The following ADAM22 variants were observed in gnomAD, a reference collection of about 807,000 sequenced individuals.
The protein encoded by ADAM22 is ADAM metallopeptidase domain 22, also known as disintegrin and metalloproteinase domain-containing protein 22.
ADAM22 carries 65 observed loss-of-function variants against 144.6 expected under a neutral mutation model. The observed-to-expected ratio is 0.45, with a 90% CI of 0.37 to 0.55. The LOEUF (loss-of-function observed/expected upper bound fraction) is 0.55. ADAM22 is among the 20% of genes least tolerant of loss of function. ADAM22 has a pLI of 0.00. For synonymous variants in ADAM22, 391 were observed against 412.6 expected, an observed-to-expected ratio of 0.95 and a Z score of 0.63; for missense variants, 974 against 1,184.9, an observed-to-expected ratio of 0.82 and a Z score of 2.61.
chr7:88,131,269 A>G lies in ADAM22; in HGVS notation c.826A>G (p.Ile276Val), dbSNP rs1280372334. 8 of 1,611,972 alleles carry G rather than the reference A, an allele frequency of 5.0e-6. No individual in the cohort carries two copies. Among genetic ancestry groups the G allele is most frequent in the Admixed American group, 1.7e-5 (1 of 59,872 alleles). ...AKSVVNMADL[I>V]YKDQLKTRIV... is the part of the protein sequence containing the mutation. ...TGTGTTCATTTTATTAATATACTAG[A>G]TATATAAAGACCAACTTAAGACCAG... Residue 276 changes from isoleucine to valine, a missense_variant and splice_region_variant, in exon 11 of 32, where the codon ATA becomes GTA. Coordinates refer to ENST00000413139, the MANE Select transcript of ADAM22 (RefSeq NM_001324418.2).
chr7:87,956,056 A>G (rs1264558875), intron 2 of ADAM22, among the ~76,000 whole-genome samples: 1 of 150,520 alleles, frequency 6.6e-6, no homozygotes, highest in Non-Finnish European at 1.5e-5. Flanking sequence ...CAGGAAAGGG[A>G]ACTCCCTGAC....
chr7:88,142,779 A>G (rs1470223615), intron 14 of ADAM22, among the ~76,000 whole-genome samples: 1 of 151,896 alleles, frequency 6.6e-6, no homozygotes, highest in African/African-American at 2.4e-5. Context: ...TGGAGCTTGC[A>G]GTGAGCCAAG....
At chr7:88,130,367 C>G (rs761788675) in intron 9 of ADAM22, 21 bp from the exon 10 acceptor site, 1 of 1,603,728 alleles carries the variant, frequency 6.2e-7, no homozygotes, top group South Asian at 1.1e-5. Flanking sequence ...AAGACCTTCA[C>G]TTGTTTTCTT....
intron 2 of ADAM22, among the ~76,000 whole-genome samples, chr7:87,935,496 G>A (rs1841031319): frequency 6.6e-6 from 1 of 152,180 alleles, no homozygotes; most frequent in Admixed American, 6.5e-5. Flanking sequence ...GGCATGCACA[G>A]CGAGAAGGGA....
intron 4 of ADAM22, among the ~76,000 whole-genome samples, chr7:88,084,844 A>G (rs1220577005): frequency 1.3e-5 from 2 of 152,210 alleles, no homozygotes; most frequent in South Asian, 4.1e-4. Context: ...ATGTTCTCTC[A>G]ATTCTGAAAG....
chr7:87,995,504 C>T (rs1467490985), intron 3 of ADAM22, among the ~76,000 whole-genome samples: 2 of 152,180 alleles, frequency 1.3e-5, no homozygotes, highest in Non-Finnish European at 2.9e-5. Flanking sequence ...ACCTGGGTCC[C>T]TTCCTACTCC....
rs1585849541 is a variant in ADAM22, at chr7:88,113,708, ATATATATATAT to A, written c.474-875_474-865del. Among the ~76,000 whole-genome samples the A allele has an allele frequency of 1.9e-3, 179 of 93,732 alleles. 6 individuals are homozygous for A. The highest frequency in any genetic ancestry group is 0.014 in the South Asian group (36 of 2,616). 61.5% of individuals were successfully genotyped at this position (93,732 alleles called of 152,430 possible). The stretch of plus-strand genomic sequence containing the variant: ...ATATTATAAATAAATAAATAAATAT[ATATATATATAT>A]ATATATATATATATATATATAGTAA... On this transcript the variant is annotated intron_variant, in intron 5 of 31. Coordinates refer to ENST00000413139, the MANE Select transcript of ADAM22 (RefSeq NM_001324418.2).
intron 9 of ADAM22, among the ~76,000 whole-genome samples, chr7:88,129,690 C>T (rs533507277): frequency 6.6e-6 from 1 of 152,122 alleles, no homozygotes; most frequent in African/African-American, 2.4e-5. Flanking sequence ...GTGAAATTAA[C>T]CAGATATAAG....
At chr7:87,965,082 G>A (rs1001449663) in intron 2 of ADAM22, among the ~76,000 whole-genome samples, 4 of 152,004 alleles carry the variant, frequency 2.6e-5, no homozygotes, top group Non-Finnish European at 4.4e-5. Flanking sequence ...CTTCCTACCA[G>A]TCTTCATTCT....
intron 4 of ADAM22, among the ~76,000 whole-genome samples, chr7:88,090,408 A>C (rs1819554811): frequency 6.6e-6 from 1 of 152,334 alleles, no homozygotes; most frequent in Non-Finnish European, 1.5e-5. Flanking sequence ...AGTTAACCAC[A>C]AATACACAGA....
chr7:88,065,900 A>C (rs908121222), intron 3 of ADAM22, among the ~76,000 whole-genome samples: 1 of 152,034 alleles, frequency 6.6e-6, no homozygotes, highest in Non-Finnish European at 1.5e-5. Context: ...ATTCTACAAA[A>C]CTCTATGCTC....
chr7:88,136,968 T>C (rs187424288), intron 14 of ADAM22, among the ~76,000 whole-genome samples: 122 of 152,238 alleles, frequency 8.0e-4, no homozygotes, highest in African/African-American at 2.9e-3. Context: ...ATCCAGCTTT[T>C]AAAAAGTAAA....
chr7:88,073,923 G>A (rs191910802), intron 3 of ADAM22, among the ~76,000 whole-genome samples: 4 of 152,340 alleles, frequency 2.6e-5, no homozygotes, highest in African/African-American at 9.6e-5. Flanking sequence ...GTTCTGTTAT[G>A]TTTATTGGAC....
At chr7:88,116,520 T>C (rs1240270038) in intron 6 of ADAM22, among the ~76,000 whole-genome samples, 2 of 152,230 alleles carry the variant, frequency 1.3e-5, no homozygotes, top group African/African-American at 4.8e-5. Flanking sequence ...TACTGTAGGC[T>C]TTGGCTTCTC....
At chr7:88,134,774 A>G (rs1832605602) in intron 13 of ADAM22, among the ~76,000 whole-genome samples, 1 of 152,062 alleles carries the variant, frequency 6.6e-6, no homozygotes, top group Non-Finnish European at 1.5e-5. Flanking sequence ...TTTATTTAAA[A>G]CATCTCTGAA....
intron 27 of ADAM22, among the ~76,000 whole-genome samples, chr7:88,180,118 G>A (rs1022579376): frequency 2.6e-5 from 4 of 152,194 alleles, no homozygotes; most frequent in African/African-American, 9.6e-5. Flanking sequence ...TCTACTTTAT[G>A]TGGAACTTTC....
chr7:87,981,612 A>C (rs914552731), intron 3 of ADAM22, among the ~76,000 whole-genome samples: 1 of 152,264 alleles, frequency 6.6e-6, no homozygotes, highest in Non-Finnish European at 1.5e-5. Flanking sequence ...TTCTGTTTAA[A>C]AGAGAACATT....
chr7:88,014,937 C>T (rs1796226924), intron 3 of ADAM22, among the ~76,000 whole-genome samples: 3 of 151,944 alleles, frequency 2.0e-5, no homozygotes, highest in African/African-American at 7.3e-5. Flanking sequence ...GTGGAGGAAG[C>T]CTGGGAATCC....
intron 2 of ADAM22, among the ~76,000 whole-genome samples, chr7:87,960,375 G>GGGGT (rs112281725): frequency 1.3e-4 from 20 of 149,282 alleles, no homozygotes; most frequent in Non-Finnish European, 2.1e-4. Flanking sequence ...GTGGTAGTGG[G>GGGGT]GTGTGTGTGT....
Sources: gnomAD v4.1 joint callset for allele counts (sites outside exome capture counted in the v4.1 genomes callset) on GRCh38, gnomAD v4.1.1 for gene constraint, MANE v1.5 for transcripts, NCBI Gene and HGNC (gene_info 2026-07-23, HGNC 2026-07-21) for gene names.